IL23R: variants seen among roughly 807,000 people sequenced by gnomAD.
The protein encoded by IL23R is interleukin-23 receptor.
Under a neutral mutation model 56.9 loss-of-function variants are expected in IL23R, and 34 were observed. That is an observed-to-expected ratio of 0.60 (90% confidence interval 0.45 to 0.80). The LOEUF (loss-of-function observed/expected upper bound fraction) is 0.80. Ranked by LOEUF, IL23R falls within the 30% of genes least tolerant of loss-of-function variation. The pLI is 0.00. For missense variants in IL23R, 635 were observed against 730.0 expected (o/e 0.87, Z 1.50); for synonymous variants, 230 against 249.2 (o/e 0.92, Z 0.73).
At chr1:67,160,044 G>C (rs183030874) in intron 1 of IL23R, among the ~76,000 whole-genome samples, 2 of 152,096 alleles carry the variant, frequency 1.3e-5, no homozygotes, top group Non-Finnish European at 1.5e-5. Context: ...ATACAGATGA[G>C]GTTTCACCAT....
chr1:67,203,114 T>C (rs1325917634), intron 5 of IL23R, among the ~76,000 whole-genome samples: 2 of 152,292 alleles, frequency 1.3e-5, no homozygotes, highest in East Asian at 3.9e-4. Flanking sequence ...TAAATAATAA[T>C]AATAATACTT....
At chr1:67,148,637 G>A (rs939403575) in intron 1 of IL23R, among the ~76,000 whole-genome samples, 1 of 152,176 alleles carries the variant, frequency 6.6e-6, no homozygotes, top group African/African-American at 2.4e-5. Context: ...ACTATCTTCT[G>A]AGAATTATTT....
chr1:67,258,110 T>C (rs1360625512), intron 10 of IL23R, among the ~76,000 whole-genome samples: 1 of 152,192 alleles, frequency 6.6e-6, no homozygotes, highest in East Asian at 1.9e-4. Flanking sequence ...ACAAGAAATA[T>C]TAATATTAAT....
chr1:67,195,926 A>G (rs542290110), intron 4 of IL23R, among the ~76,000 whole-genome samples: 1 of 152,266 alleles, frequency 6.6e-6, no homozygotes, highest in East Asian at 1.9e-4. Context: ...ATTCCAAAAG[A>G]TGTAAGTGGC....
chr1:67,224,106 G>T (rs909390240), intron 7 of IL23R, among the ~76,000 whole-genome samples: 1 of 152,140 alleles, frequency 6.6e-6, no homozygotes, highest in African/African-American at 2.4e-5. Context: ...GAGCAAAGGA[G>T]ACAAAATTCC....
chr1:67,170,683 AT>A (rs1034700953), intron 3 of IL23R, among the ~76,000 whole-genome samples: 1 of 152,216 alleles, frequency 6.6e-6, no homozygotes, highest in African/African-American at 2.4e-5. Context: ...CAGTAAAAAA[AT>A]AAAGGAATTT....
intron 4 of IL23R, among the ~76,000 whole-genome samples, chr1:67,188,048 T>G (rs553029801): frequency 6.6e-6 from 1 of 151,944 alleles, no homozygotes; most frequent in Non-Finnish European, 1.5e-5. Context: ...TGAGACTCCA[T>G]CTCAAAAAAC....
chr1:67,207,100 T>TA (rs766305898), intron 6 of IL23R, 45 bp downstream of exon 6: 971 of 1,596,562 alleles, frequency 6.1e-4, no homozygotes, highest in Non-Finnish European at 6.6e-4. Context: ...ATGAATGATT[T>TA]AAAAGCCAAC....
At chr1:67,162,777 G>T (rs1646833759), upstream of IL23R, among the ~76,000 whole-genome samples, 1 of 152,164 alleles carries the variant, frequency 6.6e-6, no homozygotes, top group South Asian at 2.1e-4. Flanking sequence ...TACACCCAAG[G>T]CAATGCACTA....
chr1:67,200,911 A>AAT lies in IL23R; in HGVS notation c.652+15_652+16dup, dbSNP rs1402559095. The AAT allele has an allele frequency of 1.9e-6, 3 of 1,612,936 alleles. No individual in the cohort carries two copies. Among genetic ancestry groups the AAT allele is most frequent in the Non-Finnish European group, 2.5e-6 (3 of 1,178,948 alleles). On this transcript the variant is annotated intron_variant, in intron 5 of 10. Coordinates refer to ENST00000347310, the MANE Select transcript of IL23R (RefSeq NM_144701.3). Reference sequence around the variant, plus strand: ...TGGATGATATAGGTAAAGAATAAGAAATTCTGTAAGTCTTTAATAATAACC... The same window carrying AAT: ...TGGATGATATAGGTAAAGAATAAGAAATATTCTGTAAGTCTTTAATAATAACC...
intron 4 of IL23R, among the ~76,000 whole-genome samples, chr1:67,191,969 T>TA (rs35666001): frequency 2.0e-5 from 3 of 151,860 alleles, no homozygotes; most frequent in Non-Finnish European, 4.4e-5. Flanking sequence ...TTTGTCAGCC[T>TA]AAAAAAAGAC....
intron 9 of IL23R, among the ~76,000 whole-genome samples, chr1:67,254,940 GTC>G (rs1287126362): frequency 2.0e-5 from 3 of 152,086 alleles, no homozygotes; most frequent in African/African-American, 7.2e-5. Flanking sequence ...TAAGCACATG[GTC>G]TAGGTAGAAA....
intron 7 of IL23R, among the ~76,000 whole-genome samples, chr1:67,228,133 T>C (rs1312098307): frequency 1.3e-4 from 19 of 140,790 alleles, no homozygotes; most frequent in Admixed American, 2.3e-4. Flanking sequence ...TCTTTCCTTC[T>C]TTCTTTCTGT....
chr1:67,177,320 T>A (rs1647024148), intron 3 of IL23R, among the ~76,000 whole-genome samples: 1 of 152,240 alleles, frequency 6.6e-6, no homozygotes, highest in Non-Finnish European at 1.5e-5. Flanking sequence ...CTACCTGGTG[T>A]GAGATGGTAT....
At chr1:67,178,423 T>C (rs1647041975) in intron 3 of IL23R, among the ~76,000 whole-genome samples, 1 of 152,238 alleles carries the variant, frequency 6.6e-6, no homozygotes, top group Non-Finnish European at 1.5e-5. Flanking sequence ...TCCATTTGTC[T>C]GTTATTGGTG....
At chr1:67,144,212 T>C (rs886400968) in intron 1 of IL23R, among the ~76,000 whole-genome samples, 3 of 152,206 alleles carry the variant, frequency 2.0e-5, no homozygotes, top group African/African-American at 4.8e-5. Context: ...TTGACACCTA[T>C]TCTAGATTCA....
intron 7 of IL23R, among the ~76,000 whole-genome samples, chr1:67,232,297 G>A (rs929053973): frequency 1.3e-5 from 2 of 152,178 alleles, no homozygotes; most frequent in African/African-American, 4.8e-5. Context: ...AGTGCTAAAT[G>A]GGTTAGCACA....
chr1:67,243,823 C>T (rs998329764), intron 9 of IL23R, among the ~76,000 whole-genome samples: 55 of 151,958 alleles, frequency 3.6e-4, no homozygotes, highest in African/African-American at 1.3e-3. Flanking sequence ...GGGTATATAC[C>T]CAGCAATGGG....
Position 67,214,793 on chromosome 1 carries a change from G to A in IL23R, c.799-4781G>A, listed in dbSNP as rs189720919. Reference sequence around the variant, plus strand: ...ATTGTTTTATATTTTTTTATACTCAGTACCTGTTTTAAGAAAAAACAACAA... The same window carrying A: ...ATTGTTTTATATTTTTTTATACTCAATACCTGTTTTAAGAAAAAACAACAA... On this transcript the variant is annotated intron_variant, in intron 6 of 10. Transcript: ENST00000347310. Among the ~76,000 whole-genome samples, 761 of 152,196 alleles carry A rather than the reference G, an allele frequency of 5.0e-3. 6 individuals are homozygous for A. The highest frequency in any genetic ancestry group is 0.017 in the African/African-American group (722 of 41,512).
Sources: allele counts gnomAD v4.1 joint callset (sites outside exome capture counted in the v4.1 genomes callset), GRCh38; gene constraint gnomAD v4.1.1; transcripts MANE v1.5; gene names NCBI Gene and HGNC (gene_info 2026-07-23, HGNC 2026-07-21).